Variants in FAT4 observed in about 807,000 individuals in gnomAD.
FAT4 encodes protocadherin Fat 4.
Under a neutral mutation model 303.9 loss-of-function variants are expected in FAT4, and 84 were observed. The observed-to-expected ratio is 0.28, with a 90% CI of 0.23 to 0.33. FAT4 has a LOEUF of 0.33. Ranked by LOEUF, FAT4 falls within the 10% of genes least tolerant of loss-of-function variation. The probability of loss-of-function intolerance (pLI) is 1.00; values close to 1 mark genes in which losing one functional copy is unlikely to be tolerated. For synonymous variants in FAT4, 2,307 were observed against 2,298.8 expected (o/e 1.00, Z -0.10); for missense variants, 6,005 against 6,146.8 (o/e 0.98, Z 0.77).
At chr4:125,377,001 T>C (rs990312714) in intron 2 of FAT4, among the ~76,000 whole-genome samples, 1 of 152,130 alleles carries the variant, frequency 6.6e-6, no homozygotes, top group Non-Finnish European at 1.5e-5. Flanking sequence ...AATGGGAGCA[T>C]AGTAAATTTT....
At chr4:125,330,416 T>C (rs992442906) in intron 2 of FAT4, among the ~76,000 whole-genome samples, 1 of 152,232 alleles carries the variant, frequency 6.6e-6, no homozygotes, top group Non-Finnish European at 1.5e-5. Flanking sequence ...CCCCTGGAAC[T>C]AGTTGTTGAA....
At chr4:125,462,796 C>T (rs1726526262) in intron 10 of FAT4, among the ~76,000 whole-genome samples, 1 of 151,948 alleles carries the variant, frequency 6.6e-6, no homozygotes, top group Non-Finnish European at 1.5e-5. Context: ...GATTAATACT[C>T]CCTACTGAAA....
At chr4:125,333,956 T>A (rs1731480227) in intron 2 of FAT4, among the ~76,000 whole-genome samples, 1 of 152,140 alleles carries the variant, frequency 6.6e-6, no homozygotes, top group Non-Finnish European at 1.5e-5. Flanking sequence ...AGCTCTAGGA[T>A]GGGAATGGGA....
chr4:125,413,573 A>G (rs900480552), intron 5 of FAT4, among the ~76,000 whole-genome samples: 4 of 148,750 alleles, frequency 2.7e-5, no homozygotes, highest in Non-Finnish European at 6.0e-5. Flanking sequence ...TAGGCAAAGG[A>G]TATTAGAGAC....
chr4:125,371,317 A>G (rs1733102765), intron 2 of FAT4, among the ~76,000 whole-genome samples: 1 of 151,884 alleles, frequency 6.6e-6, no homozygotes. Context: ...AATATTAAAT[A>G]TACAAATAAT....
chr4:125,490,645 C>T lies in FAT4; in HGVS notation c.13829C>T (p.Ala4610Val), dbSNP rs763269041. 3 of 1,614,048 alleles carry T rather than the reference C, an allele frequency of 1.9e-6. No homozygotes were observed. Residue 4610 changes from alanine (A) to valine (V), a missense_variant, in exon 18 of 18, where the codon GCC becomes GTC. Physicochemically the swap from Ala to Val is moderately conservative, Grantham distance 64 (BLOSUM62 0). Coordinates refer to ENST00000394329, the MANE Select transcript of FAT4 (RefSeq NM_001291303.3). ...CACAACTCAGAAACCATCCCCAGCG[C>T]CCCTTTGGCATCTCCAGAGCAGGAG... Reference protein sequence around the residue: ...IPHNSETIPSAPLASPEQEIE... With the variant: ...IPHNSETIPSVPLASPEQEIE...
chr4:125,483,962 C>A, intron 16 of FAT4, among the ~76,000 whole-genome samples: 1 of 95,766 alleles, frequency 1.0e-5, no homozygotes, highest in Non-Finnish European at 2.0e-5. Flanking sequence ...TTTTTGGCTC[C>A]TTTTCTGATC....
intron 2 of FAT4, among the ~76,000 whole-genome samples, chr4:125,347,561 T>C (rs1375836589): frequency 6.6e-6 from 1 of 151,448 alleles, no homozygotes; most frequent in Non-Finnish European, 1.5e-5. Flanking sequence ...ATATTTGATA[T>C]ATAATTTGAA....
chr4:125,385,001 C>CATAT (rs1277413637), intron 2 of FAT4, among the ~76,000 whole-genome samples: 24 of 120,284 alleles, frequency 2.0e-4, no homozygotes, highest in African/African-American at 7.3e-4. Context: ...TATATATATA[C>CATAT]ATATATATAT....
Position 125,427,859 on chromosome 4 carries a change from T to C in FAT4, c.7019-6386T>C, listed in dbSNP as rs2126038453. On this transcript the variant is annotated intron_variant, in intron 7 of 17. Coordinates refer to ENST00000394329, the MANE Select transcript of FAT4 (RefSeq NM_001291303.3). ...AATAGCCTTTTATGTTTCAGAGAAG[T>C]ATTTTTGATTTATAGTTGCTATTAT... is the stretch of plus-strand genomic sequence containing the variant. 1.3e-5 allele frequency among the ~76,000 whole-genome samples: 2 copies of C among 152,362 alleles called. 1 individual carries two copies. Among genetic ancestry groups the C allele is most frequent in the South Asian group, 4.1e-4 (2 of 4,830 alleles).
rs549046992 is a variant in FAT4, at chr4:125,479,974, T to C, written c.12604+109T>C. ...AAAAATTATGCTTTCATTCTAAATATTAAAATATTAAATGGACAATAATTG... is the reference window on the plus strand; with the variant it reads ...AAAAATTATGCTTTCATTCTAAATACTAAAATATTAAATGGACAATAATTG... On this transcript the variant is annotated intron_variant, in intron 15 of 17. Transcript: ENST00000394329. 3.7e-6 allele frequency: 3 copies of C among 806,368 alleles called. No individual in the cohort carries two copies. In the African/African-American group the frequency reaches 5.2e-5, roughly 14 times the overall value. The allele number at this position is 806,368 out of a possible 1,614,324, so 50.0% of individuals were successfully genotyped here.
chr4:125,473,855 CT>C lies in FAT4; in HGVS notation c.12214-2315del, dbSNP rs781144600. On this transcript the variant is annotated intron_variant, in intron 12 of 17. Coordinates refer to ENST00000394329, the MANE Select transcript of FAT4 (RefSeq NM_001291303.3). ...AATAATACCAAATGTGAAAAAAACT[CT>C]GTCATTATTACTTGAGTCATAGGAA... 3.3e-5 allele frequency among the ~76,000 whole-genome samples: 5 copies of C among 152,064 alleles called. No homozygotes were observed. The East Asian group carries it at 7.7e-4, about 24-fold the overall frequency.
chr4:125,466,935 C>T (rs55776269), intron 11 of FAT4, among the ~76,000 whole-genome samples: 35,873 of 151,438 alleles, frequency 0.24, 4,350 homozygotes, highest in African/African-American at 0.3. Context: ...CCACCATGCC[C>T]GGCTAATTTT....
chr4:125,491,278 G>T lies in FAT4; in HGVS notation c.14462G>T (p.Cys4821Phe), dbSNP rs889999062. 1 of 1,614,150 alleles carries T rather than the reference G, an allele frequency of 6.2e-7. No homozygotes were observed. The part of the protein sequence containing the change: ...DHGRSSSEED[C>F]RRPLSRTRNP... Reference sequence around the variant, plus strand: ...GGGAGGTCTTCTTCAGAGGAGGACTGCAGAAGGCCACTGTCTAGAACAAGG... The same window carrying T: ...GGGAGGTCTTCTTCAGAGGAGGACTTCAGAAGGCCACTGTCTAGAACAAGG... The change falls in exon 18 of 18, where the codon TGC (cysteine) becomes TTC (phenylalanine). Residue 4821 changes from cysteine (C) to phenylalanine (F), a missense_variant. Physicochemically the swap from Cys to Phe is radical, Grantham distance 205. Transcript: ENST00000394329.
At chr4:125,427,987 T>C (rs1254051469) in intron 7 of FAT4, among the ~76,000 whole-genome samples, 1 of 152,184 alleles carries the variant, frequency 6.6e-6, no homozygotes, top group Non-Finnish European at 1.5e-5. Context: ...TGAAACTTTT[T>C]TCTTTTTTCA....
At chr4:125,409,553 G>T (rs1488496267) in intron 5 of FAT4, among the ~76,000 whole-genome samples, 1 of 152,134 alleles carries the variant, frequency 6.6e-6, no homozygotes, top group African/African-American at 2.4e-5. Flanking sequence ...ACTGCACCCA[G>T]CCCAGCTAAT....
At chr4:125,468,968 C>T in intron 12 of FAT4, 149 bp downstream of exon 12, 1 of 777,784 alleles carries the variant, frequency 1.3e-6, no homozygotes, top group Non-Finnish European at 2.0e-6. Context: ...TTCTTTTGCT[C>T]ATGACAACTC....
At chr4:125,420,041 G>A (rs1033666849) in intron 7 of FAT4, among the ~76,000 whole-genome samples, 1 of 152,156 alleles carries the variant, frequency 6.6e-6, no homozygotes, top group Non-Finnish European at 1.5e-5. Flanking sequence ...AGGGAGAAGG[G>A]CATCCATGTC....
intron 2 of FAT4, among the ~76,000 whole-genome samples, chr4:125,350,295 T>A (rs1197558769): frequency 6.6e-6 from 1 of 151,734 alleles, no homozygotes; most frequent in Non-Finnish European, 1.5e-5. Flanking sequence ...TTTTTTCTTC[T>A]TAGGCCATAT....
Sources: allele counts gnomAD v4.1 joint callset (sites outside exome capture counted in the v4.1 genomes callset), GRCh38; gene constraint gnomAD v4.1.1; transcripts MANE v1.5; gene names NCBI Gene and HGNC (gene_info 2026-07-23, HGNC 2026-07-21).